Variants in ANTXR1 observed in about 807,000 individuals in gnomAD.
ANTXR1 encodes ANTXR cell adhesion molecule 1.
ANTXR1 carries 19 observed loss-of-function variants against 78.1 expected under a neutral mutation model. That is an observed-to-expected ratio of 0.24 (90% CI 0.17 to 0.36). The LOEUF (loss-of-function observed/expected upper bound fraction) is 0.36, where lower values mean the gene tolerates loss of function less well. Among genes scored for constraint, ANTXR1 ranks in the 10% least tolerant of loss-of-function variants. ANTXR1 has a pLI of 1.00. For missense variants in ANTXR1, 518 were observed against 718.6 expected, an observed-to-expected ratio of 0.72 and a Z score of 3.19; for synonymous variants, 273 against 260.5, an observed-to-expected ratio of 1.05 and a Z score of -0.46.
chr2:69,027,080 G>A (rs1671366819), intron 1 of ANTXR1, among the ~76,000 whole-genome samples: 2 of 152,304 alleles, frequency 1.3e-5, no homozygotes, highest in African/African-American at 4.8e-5. Flanking sequence ...TCCCAGATCT[G>A]GAAGTGAGTT....
intron 17 of ANTXR1, among the ~76,000 whole-genome samples, chr2:69,214,045 G>GGCCAGA (rs1455180291): frequency 6.6e-6 from 1 of 152,240 alleles, no homozygotes; most frequent in Non-Finnish European, 1.5e-5. Flanking sequence ...CAGGGGCCAG[G>GGCCAGA]GCCAGAGCAG....
At chr2:69,057,337 G>T (rs1670099515) in intron 3 of ANTXR1, among the ~76,000 whole-genome samples, 1 of 152,146 alleles carries the variant, frequency 6.6e-6, no homozygotes, top group African/African-American at 2.4e-5. Context: ...CAAATTGAAG[G>T]TTCATGGCAA....
intron 17 of ANTXR1, among the ~76,000 whole-genome samples, chr2:69,224,938 G>A (rs945062511): frequency 6.6e-6 from 1 of 152,132 alleles, no homozygotes; most frequent in Non-Finnish European, 1.5e-5. Context: ...TAAGCTCCAG[G>A]TCAGAAGCTG....
intron 17 of ANTXR1, among the ~76,000 whole-genome samples, chr2:69,230,707 G>T (rs1410232410): frequency 6.6e-6 from 1 of 152,190 alleles, no homozygotes; most frequent in Admixed American, 6.6e-5. Context: ...AAGTAAGCAT[G>T]CACAAGTGTG....
chr2:69,150,164 A>G (rs981861195), intron 12 of ANTXR1, among the ~76,000 whole-genome samples: 2 of 152,228 alleles, frequency 1.3e-5, no homozygotes, highest in Non-Finnish European at 2.9e-5. Flanking sequence ...AACAGCTTCC[A>G]GCAGCCCCTG....
chr2:69,182,497 G>A lies in ANTXR1; in HGVS notation c.1190G>A (p.Arg397His), dbSNP rs765361538. The A allele has an allele frequency of 1.2e-4, 190 of 1,613,950 alleles. No individual in the cohort carries two copies. Among genetic ancestry groups the A allele is most frequent in the Non-Finnish European group, 1.5e-4 (181 of 1,180,022 alleles). The change falls in exon 16 of 18, where the codon CGT becomes CAT. Residue 397 changes from arginine (R) to histidine (H), a missense_variant. Arg to His is a conservative substitution (Grantham distance 29). Around this residue, in one of 5 missense-constraint regions of ANTXR1, gnomAD observed 192 missense variants for 230.2 expected, o/e 0.83. Transcript: ENST00000303714. ...ATTGTATTTTGTTTATTTTAGGTTC[G>A]TTGGGGAGAAAAGGGCTCCACAGAA... ...GVGGIKRMEV[R>H]WGEKGSTEEG... is the part of the protein sequence containing the mutation.
At chr2:69,192,252 C>T (rs754889031) in intron 16 of ANTXR1, among the ~76,000 whole-genome samples, 5 of 152,088 alleles carry the variant, frequency 3.3e-5, no homozygotes, top group Non-Finnish European at 5.9e-5. Context: ...TGTCATAAGC[C>T]CCAAACGGGT....
chr2:69,119,030 A>AT (rs1401376925), intron 10 of ANTXR1, among the ~76,000 whole-genome samples: 1 of 151,846 alleles, frequency 6.6e-6, no homozygotes, highest in African/African-American at 2.4e-5. Flanking sequence ...TCCCAGTGAG[A>AT]TTTTCCTCTG....
intron 9 of ANTXR1, among the ~76,000 whole-genome samples, chr2:69,096,282 A>AAGGAAGGAAGGG (rs1553362854): frequency 8.7e-5 from 3 of 34,606 alleles, no homozygotes; most frequent in Non-Finnish European, 1.3e-4. Flanking sequence ...GGAAGGAAGG[A>AAGGAAGGAAGGG]AGGAAGGGAG....
intron 13 of ANTXR1, among the ~76,000 whole-genome samples, chr2:69,167,202 G>A (rs950008717): frequency 9.2e-5 from 14 of 152,262 alleles, no homozygotes; most frequent in Admixed American, 3.3e-4. Flanking sequence ...TGTGGAACCT[G>A]TGGGACATGG....
At chr2:69,033,658 A>T (rs2104041330) in intron 1 of ANTXR1, among the ~76,000 whole-genome samples, 1 of 152,298 alleles carries the variant, frequency 6.6e-6, no homozygotes, top group South Asian at 2.1e-4. Context: ...TGGGTTGCTG[A>T]GGACATCAGT....
At chr2:69,219,422 C>CACACACACACACACACACA (rs58106996) in intron 17 of ANTXR1, among the ~76,000 whole-genome samples, 53 of 150,596 alleles carry the variant, frequency 3.5e-4, no homozygotes, top group South Asian at 2.5e-3. Context: ...CACACACACA[C>CACACACACACACACACACA]CCTACTGATG....
chr2:69,134,453 G>C (rs564674707), intron 12 of ANTXR1, among the ~76,000 whole-genome samples: 1 of 152,256 alleles, frequency 6.6e-6, no homozygotes, highest in East Asian at 1.9e-4. Context: ...TGCATTGGGT[G>C]GGAATGAGCT....
At chr2:69,172,433 G>A in intron 14 of ANTXR1, 1 of 1,599,312 alleles carries the variant, frequency 6.3e-7, no homozygotes, top group East Asian at 2.2e-5. Context: ...ACCTAACACA[G>A]CCCGTGCAAC....
chr2:69,165,098 A>C (rs1167029560), intron 13 of ANTXR1, among the ~76,000 whole-genome samples: 2 of 152,278 alleles, frequency 1.3e-5, no homozygotes, highest in African/African-American at 2.4e-5. Context: ...TGAGGAACTC[A>C]GGGGTGTACC....
chr2:69,014,235 T>G (rs1670955964), intron 1 of ANTXR1, among the ~76,000 whole-genome samples: 1 of 152,056 alleles, frequency 6.6e-6, no homozygotes, highest in Non-Finnish European at 1.5e-5. Context: ...ACCTGGTAAT[T>G]CTTTGTGGTG....
At chr2:69,211,048 G>A (rs1178487075) in intron 17 of ANTXR1, among the ~76,000 whole-genome samples, 1 of 152,096 alleles carries the variant, frequency 6.6e-6, no homozygotes, top group Non-Finnish European at 1.5e-5. Flanking sequence ...ACAAGCCAGA[G>A]GCAAGGGCTG....
intron 8 of ANTXR1, among the ~76,000 whole-genome samples, chr2:69,078,616 G>A (rs1217403800): frequency 2.0e-5 from 3 of 152,164 alleles, no homozygotes; most frequent in South Asian, 2.1e-4. Context: ...ATTGGCCCAC[G>A]TACTTAACAC....
rs934255448 is a variant in ANTXR1 at position 69,249,050 on chromosome 2, G to C, written c.*3565G>C. The C allele has an allele frequency of 6.6e-6, 1 of 152,122 alleles. No individual in the cohort carries two copies. The highest frequency in any genetic ancestry group is 1.9e-4 in the East Asian group (1 of 5,196). The allele number at this position is 152,122 out of a possible 1,614,324, so 9.4% of individuals were successfully genotyped here. Reference sequence around the variant, plus strand: ...ATAGTTATGGATCTTCAATGCCTCTGAGTCATTGTTATAAAAAATCAGTTA... The same window carrying C: ...ATAGTTATGGATCTTCAATGCCTCTCAGTCATTGTTATAAAAAATCAGTTA... On this transcript the variant is annotated 3_prime_UTR_variant, in exon 18 of 18. Transcript: ENST00000303714.
Sources: allele counts gnomAD v4.1 joint callset (sites outside exome capture counted in the v4.1 genomes callset), GRCh38; gene constraint gnomAD v4.1.1; regional missense constraint gnomAD v4.1.1; transcripts MANE v1.5; gene names NCBI Gene and HGNC (gene_info 2026-07-23, HGNC 2026-07-21).